STK39: variants seen among roughly 807,000 people sequenced by gnomAD.
STK39 encodes STE20/SPS1-related proline-alanine-rich protein kinase.
Under a neutral mutation model 77.8 loss-of-function variants are expected in STK39, and 20 were observed. That is an observed-to-expected ratio of 0.26 (90% CI 0.18 to 0.37). The LOEUF (loss-of-function observed/expected upper bound fraction) is 0.37. STK39 is among the 10% of genes least tolerant of loss of function. STK39 has a pLI of 1.00. For missense variants in STK39, 479 were observed against 656.5 expected, an observed-to-expected ratio of 0.73 and a Z score of 2.95; for synonymous variants, 246 against 234.1, an observed-to-expected ratio of 1.05 and a Z score of -0.47.
chr2:168,230,659 C>T (rs888828372), intron 1 of STK39, among the ~76,000 whole-genome samples: 7 of 152,174 alleles, frequency 4.6e-5, no homozygotes, highest in Non-Finnish European at 1.0e-4. Flanking sequence ...ATGTCAGAAT[C>T]CATGATGAGA....
chr2:168,158,512 C>A (rs150264291), intron 5 of STK39, among the ~76,000 whole-genome samples: 319 of 152,286 alleles, frequency 2.1e-3, no homozygotes, highest in Non-Finnish European at 2.5e-3. Flanking sequence ...TCGATTTATG[C>A]AGAGACACAG....
intron 1 of STK39, among the ~76,000 whole-genome samples, chr2:168,225,904 T>C (rs1243437774): frequency 1.3e-5 from 2 of 152,156 alleles, no homozygotes; most frequent in Non-Finnish European, 2.9e-5. Context: ...AGGTGTTCTA[T>C]GAAGGGACTC....
rs1487834456 is a variant in STK39 at position 167,955,695 on chromosome 2, T to C, written c.1564-125A>G. 8 of 883,130 alleles carry C rather than the reference T, an allele frequency of 9.1e-6. No homozygotes were observed. The Admixed American group carries it at 1.8e-4, about 20-fold the overall frequency. 54.7% of individuals were successfully genotyped at this position (883,130 alleles called of 1,614,324 possible). ...GTATGGGACCATGTGTCCCATTTCT[T>C]CCAGAAGAGAGACGCCAGCCACTCT... On this transcript the variant is annotated intron_variant, in intron 17 of 17. Transcript: ENST00000355999.
chr2:168,119,736 A>G (rs1201468237), intron 10 of STK39, among the ~76,000 whole-genome samples: 1 of 152,222 alleles, frequency 6.6e-6, no homozygotes, highest in Non-Finnish European at 1.5e-5. Flanking sequence ...CAAAACTAAC[A>G]TCATTCCATC....
intron 1 of STK39, among the ~76,000 whole-genome samples, chr2:168,205,503 TG>T (rs1689718743): frequency 6.6e-6 from 1 of 152,144 alleles, no homozygotes; most frequent in African/African-American, 2.4e-5. Flanking sequence ...TTACTTGCTA[TG>T]GAAAATTATT....
intron 17 of STK39, among the ~76,000 whole-genome samples, chr2:167,956,989 A>G (rs993663202): frequency 3.9e-5 from 6 of 151,922 alleles, no homozygotes; most frequent in African/African-American, 1.2e-4. Flanking sequence ...CACTGCTTGT[A>G]TACATTTAGA....
intron 2 of STK39, among the ~76,000 whole-genome samples, chr2:168,179,384 T>C (rs983404221): frequency 6.6e-6 from 1 of 152,160 alleles, no homozygotes; most frequent in Admixed American, 6.5e-5. Context: ...CAGGCTATAC[T>C]CTGTAAATTC....
intron 14 of STK39, among the ~76,000 whole-genome samples, chr2:168,063,144 G>A (rs1488547163): frequency 2.0e-5 from 3 of 151,954 alleles, no homozygotes; most frequent in Non-Finnish European, 4.4e-5. Context: ...GAGACCGACT[G>A]CTGAAGTGTG....
intron 1 of STK39, among the ~76,000 whole-genome samples, chr2:168,191,336 C>T (rs1390759087): frequency 1.3e-5 from 2 of 152,182 alleles, no homozygotes; most frequent in Non-Finnish European, 2.9e-5. Flanking sequence ...GGGCAATATA[C>T]AACCTTGGTG....
intron 16 of STK39, among the ~76,000 whole-genome samples, chr2:167,969,662 C>G (rs149626727): frequency 1.3e-5 from 2 of 152,164 alleles, no homozygotes; most frequent in Admixed American, 1.3e-4. Flanking sequence ...TACGCAGAAA[C>G]GAATGACTTC....
chr2:168,154,382 A>G (rs1034304227), intron 5 of STK39, among the ~76,000 whole-genome samples: 1 of 152,232 alleles, frequency 6.6e-6, no homozygotes, highest in Admixed American at 6.5e-5. Context: ...CAGTAAGTTA[A>G]TGACCACTGG....
chr2:168,023,219 C>CT, intron 14 of STK39, among the ~76,000 whole-genome samples: 1 of 150,698 alleles, frequency 6.6e-6, no homozygotes, highest in East Asian at 2.0e-4. Flanking sequence ...CCCAGCCTGA[C>CT]TTTAAAAAAA....
rs747182837 is a variant in STK39, at chr2:167,955,510, A to G, written c.1624T>C (p.Leu542=). ...AGGGACATACATCAGCTGACACTCA[A>G]CTGAGCAAACCCAATCAGCTTCACT... The part of the protein sequence containing the change: ...DEVKLIGFAQ[L]SVS Residue 542 remains leucine (L), a synonymous_variant, in exon 18 of 18, where the codon TTG becomes CTG. Coordinates refer to ENST00000355999, the MANE Select transcript of STK39 (RefSeq NM_013233.3). 3 of 1,613,916 alleles carry G rather than the reference A, an allele frequency of 1.9e-6. No homozygotes were observed. Among genetic ancestry groups the G allele is most frequent in the Admixed American group, 1.7e-5 (1 of 59,990 alleles).
At chr2:168,090,136 C>T (rs996908787) in intron 10 of STK39, among the ~76,000 whole-genome samples, 1 of 152,062 alleles carries the variant, frequency 6.6e-6, no homozygotes, top group Non-Finnish European at 1.5e-5. Context: ...GTGGCATTTG[C>T]TACAAAATTC....
intron 17 of STK39, among the ~76,000 whole-genome samples, chr2:167,960,238 T>A (rs1691912433): frequency 6.6e-6 from 1 of 152,078 alleles, no homozygotes; most frequent in Non-Finnish European, 1.5e-5. Context: ...CAAACAAACC[T>A]TGTTAAACTC....
intron 10 of STK39, among the ~76,000 whole-genome samples, chr2:168,082,850 C>T (rs1164234970): frequency 6.6e-6 from 1 of 152,152 alleles, no homozygotes; most frequent in East Asian, 1.9e-4. Flanking sequence ...ATTTGTTAAT[C>T]CTCCATCTCC....
At chr2:167,962,324 G>A (rs939186162) in intron 17 of STK39, among the ~76,000 whole-genome samples, 2 of 152,156 alleles carry the variant, frequency 1.3e-5, no homozygotes, top group Non-Finnish European at 2.9e-5. Context: ...AGTTTATTGG[G>A]ATGTTAGTGT....
At chr2:167,966,733 G>T (rs1217502313) in intron 16 of STK39, among the ~76,000 whole-genome samples, 2 of 152,252 alleles carry the variant, frequency 1.3e-5, no homozygotes, top group South Asian at 2.1e-4. Flanking sequence ...CCCCAGTTGT[G>T]AATCTCACAC....
At chr2:168,158,936 C>A (rs1459035438) in intron 5 of STK39, among the ~76,000 whole-genome samples, 1 of 152,168 alleles carries the variant, frequency 6.6e-6, no homozygotes, top group African/African-American at 2.4e-5. Context: ...ATCCTATCCA[C>A]CACACTTCTA....
Sources: gnomAD v4.1 joint callset for allele counts (sites outside exome capture counted in the v4.1 genomes callset) on GRCh38, gnomAD v4.1.1 for gene constraint, MANE v1.5 for transcripts, NCBI Gene and HGNC (gene_info 2026-07-23, HGNC 2026-07-21) for gene names.